The following RHBDL2 variants were observed in gnomAD, a reference collection of about 807,000 sequenced individuals.
The protein encoded by RHBDL2 is rhomboid-related protein 2.
In RHBDL2, 26 loss-of-function variants were observed where a neutral mutation model predicts 31.7. The observed-to-expected ratio is 0.82, with a 90% confidence interval of 0.60 to 1.14. The LOEUF (loss-of-function observed/expected upper bound fraction) is 1.14, where lower values mean the gene tolerates loss of function less well. Ranked by LOEUF, RHBDL2 falls within the 50% of genes most tolerant of loss-of-function variation. The pLI is 0.00. For missense variants in RHBDL2, 336 were observed against 364.4 expected (o/e 0.92, Z 0.63); for synonymous variants, 123 against 127.2 (o/e 0.97, Z 0.22).
At chr1:38,922,814 G>A (rs970142796) in intron 1 of RHBDL2, among the ~76,000 whole-genome samples, 4 of 152,088 alleles carry the variant, frequency 2.6e-5, no homozygotes, top group African/African-American at 9.7e-5. Flanking sequence ...GACTTAGGCC[G>A]GGCACAGTGG....
intron 4 of RHBDL2, among the ~76,000 whole-genome samples, chr1:38,899,294 G>C (rs1211131974): frequency 1.3e-5 from 2 of 152,320 alleles, no homozygotes; most frequent in East Asian, 1.9e-4. Context: ...ACAACCAGAG[G>C]GGGGCCAGGC....
At chr1:38,896,120 G>T in intron 4 of RHBDL2, 51 bp from the exon 5 acceptor site, 2 of 1,341,968 alleles carry the variant, frequency 1.5e-6, no homozygotes, top group Non-Finnish European at 2.1e-6. Flanking sequence ...GATCAGGAAA[G>T]ATAAATCTTT....
chr1:38,919,864 G>A (rs1347046877), intron 1 of RHBDL2, among the ~76,000 whole-genome samples: 2 of 151,936 alleles, frequency 1.3e-5, no homozygotes, highest in South Asian at 2.1e-4. Flanking sequence ...GTGAGCCACC[G>A]AAGCCGGCCC....
intron 1 of RHBDL2, among the ~76,000 whole-genome samples, chr1:38,940,357 T>C (rs1323020406): frequency 6.6e-6 from 1 of 152,080 alleles, no homozygotes; most frequent in African/African-American, 2.4e-5. Context: ...CCCATGCCTA[T>C]GTGGCTCTCC....
intron 1 of RHBDL2, chr1:38,926,042 T>C: frequency 8.0e-7 from 1 of 1,255,470 alleles, no homozygotes; most frequent in Non-Finnish European, 1.0e-6. Context: ...GTCAGTTTTC[T>C]TGGGGAATTT....
intron 3 of RHBDL2, 29 bp from the exon 4 acceptor site, chr1:38,911,463 A>T (rs756169836): frequency 1.4e-5 from 20 of 1,445,798 alleles, no homozygotes; most frequent in Middle Eastern, 1.7e-4. Context: ...GTTGTCAAAT[A>T]TTATGACTAA....
At chr1:38,912,963 C>CGTGTGTGTGTGT (rs146456884) in intron 3 of RHBDL2, among the ~76,000 whole-genome samples, 20 of 112,272 alleles carry the variant, frequency 1.8e-4, no homozygotes, top group African/African-American at 7.7e-4. Flanking sequence ...TACATATACA[C>CGTGTGTGTGTGT]GTGTGTGTGT....
At chr1:38,929,507 C>T in intron 1 of RHBDL2, 1 of 1,289,444 alleles carries the variant, frequency 7.8e-7, no homozygotes, top group Non-Finnish European at 1.0e-6. Context: ...TGCCTAGCTG[C>T]ATTCAAACAG....
chr1:38,907,067 A>G (rs1295616068), intron 4 of RHBDL2, among the ~76,000 whole-genome samples: 6 of 152,230 alleles, frequency 3.9e-5, no homozygotes, highest in Non-Finnish European at 8.8e-5. Context: ...ATAGAGATTG[A>G]TAGAATAAAA....
intron 3 of RHBDL2, among the ~76,000 whole-genome samples, chr1:38,914,620 A>G (rs1240391808): frequency 6.6e-6 from 1 of 152,132 alleles, no homozygotes; most frequent in African/African-American, 2.4e-5. Context: ...TAGCCTAAAG[A>G]GTATATTTAA....
chr1:38,941,561 G>A (rs1161523198), intron 1 of RHBDL2, 121 bp downstream of exon 1: 2 of 152,286 alleles, frequency 1.3e-5, no homozygotes, highest in East Asian at 3.9e-4. Context: ...GGTTACCAGC[G>A]AAGCACCCCA....
chr1:38,904,687 A>ATT (rs1215744417), intron 4 of RHBDL2, among the ~76,000 whole-genome samples: 2 of 146,522 alleles, frequency 1.4e-5, no homozygotes, highest in Admixed American at 6.9e-5. Flanking sequence ...ATACATATAT[A>ATT]TTTATATATA....
At chr1:38,899,005 C>T (rs1209087249) in intron 4 of RHBDL2, among the ~76,000 whole-genome samples, 1 of 152,150 alleles carries the variant, frequency 6.6e-6, no homozygotes, top group Admixed American at 6.6e-5. Context: ...AGGGGCAGGG[C>T]TCCACCACCA....
intron 2 of RHBDL2, among the ~76,000 whole-genome samples, chr1:38,918,041 C>T (rs1255690119): frequency 2.0e-5 from 3 of 152,158 alleles, no homozygotes; most frequent in African/African-American, 7.2e-5. Flanking sequence ...TACCTTTGGA[C>T]TTGAATGGCA....
intron 4 of RHBDL2, among the ~76,000 whole-genome samples, chr1:38,907,288 C>T (rs1258684324): frequency 6.6e-6 from 1 of 152,164 alleles, no homozygotes; most frequent in Non-Finnish European, 1.5e-5. Flanking sequence ...GCCTGTAATC[C>T]CAGCACTTTG....
At chr1:38,931,508 C>T (rs1415376798) in intron 1 of RHBDL2, among the ~76,000 whole-genome samples, 38 of 148,592 alleles carry the variant, frequency 2.6e-4, no homozygotes, top group Admixed American at 2.4e-3. Context: ...GGTGACAGAG[C>T]GAGACTCCGT....
At chr1:38,887,478 G>A (rs1642799513) in intron 7 of RHBDL2, among the ~76,000 whole-genome samples, 1 of 152,128 alleles carries the variant, frequency 6.6e-6, no homozygotes, top group Non-Finnish European at 1.5e-5. Context: ...AGGCTGGAGT[G>A]CAGTGGTGCG....
chr1:38,924,276 C>G (rs1323539646), intron 1 of RHBDL2, among the ~76,000 whole-genome samples: 1 of 151,948 alleles, frequency 6.6e-6, no homozygotes, highest in African/African-American at 2.4e-5. Flanking sequence ...ATAGAAAGAT[C>G]CCACCTGGCC....
rs115499049 is a variant in RHBDL2 at position 38,925,150 on chromosome 1, T to C, written c.-125-5813A>G. 3.7e-3 allele frequency among the ~76,000 whole-genome samples: 558 copies of C among 152,168 alleles called. 6 individuals carry two copies. The highest frequency in any genetic ancestry group is 0.013 in the African/African-American group (537 of 41,524). Reference sequence around the variant, plus strand: ...ATTTGCAAGAGATTTTTCCAGACCTTTCAGATGCCCTAATGCACTACATAC... The same window carrying C: ...ATTTGCAAGAGATTTTTCCAGACCTCTCAGATGCCCTAATGCACTACATAC... On this transcript the variant is annotated intron_variant, in intron 1 of 7. Transcript: ENST00000372990.
Sources: gnomAD v4.1 joint callset for allele counts (sites outside exome capture counted in the v4.1 genomes callset) on GRCh38, gnomAD v4.1.1 for gene constraint, MANE v1.5 for transcripts, NCBI Gene and HGNC (gene_info 2026-07-23, HGNC 2026-07-21) for gene names.